PDZRN4: variants seen among roughly 807,000 people sequenced by gnomAD.
The protein encoded by PDZRN4 is PDZ domain-containing RING finger protein 4.
In PDZRN4, 70 loss-of-function variants were observed where a neutral mutation model predicts 99.0. The observed-to-expected ratio is 0.71, with a 90% CI of 0.58 to 0.86. The LOEUF (loss-of-function observed/expected upper bound fraction) is 0.86. Ranked by LOEUF, PDZRN4 falls within the 40% of genes least tolerant of loss-of-function variation. The pLI is 0.00. For missense variants in PDZRN4, 1,474 were observed against 1,331.2 expected (o/e 1.11, Z -1.67); for synonymous variants, 551 against 501.6 (o/e 1.10, Z -1.32).
chr12:41,353,703 G>T (rs1034294018), intron 3 of PDZRN4, among the ~76,000 whole-genome samples: 1 of 152,038 alleles, frequency 6.6e-6, no homozygotes, highest in Non-Finnish European at 1.5e-5. Context: ...GGGCTGCCTG[G>T]CCTCTCTTGT....
chr12:41,320,515 C>T (rs1169686544), intron 3 of PDZRN4, among the ~76,000 whole-genome samples: 1 of 152,148 alleles, frequency 6.6e-6, no homozygotes, highest in Non-Finnish European at 1.5e-5. Flanking sequence ...TTCACATTGT[C>T]TTGAGGTGTC....
intron 3 of PDZRN4, among the ~76,000 whole-genome samples, chr12:41,195,547 A>T (rs1209579751): frequency 2.6e-5 from 4 of 152,124 alleles, no homozygotes; most frequent in Non-Finnish European, 5.9e-5. Flanking sequence ...AAAGAACACA[A>T]CATTTATAAA....
intron 5 of PDZRN4, among the ~76,000 whole-genome samples, chr12:41,521,926 C>T (rs901332434): frequency 3.3e-5 from 5 of 152,054 alleles, no homozygotes; most frequent in African/African-American, 1.2e-4. Context: ...ATGAGAGAGG[C>T]CTAAGACTCC....
intron 3 of PDZRN4, among the ~76,000 whole-genome samples, chr12:41,327,952 T>G (rs1295708969): frequency 6.6e-6 from 1 of 152,144 alleles, no homozygotes; most frequent in East Asian, 1.9e-4. Context: ...ATTAAAATAT[T>G]TTTAATTTTT....
At chr12:41,279,145 G>T (rs556655969) in intron 3 of PDZRN4, among the ~76,000 whole-genome samples, 70 of 152,288 alleles carry the variant, frequency 4.6e-4, no homozygotes, top group Middle Eastern at 6.8e-3. Flanking sequence ...AAATGTTTGG[G>T]TTGGTAACAT....
intron 3 of PDZRN4, among the ~76,000 whole-genome samples, chr12:41,228,572 C>T (rs1951010751): frequency 6.6e-6 from 1 of 152,016 alleles, no homozygotes; most frequent in Non-Finnish European, 1.5e-5. Context: ...GTTAAGGATC[C>T]CAGGAGAATG....
At chr12:41,401,912 A>T (rs890457132) in intron 3 of PDZRN4, among the ~76,000 whole-genome samples, 1 of 151,014 alleles carries the variant, frequency 6.6e-6, no homozygotes. Context: ...GGCCTTGTAC[A>T]TTCTGTGCCC....
At chr12:41,551,314 C>G (rs887993413) in intron 5 of PDZRN4, among the ~76,000 whole-genome samples, 1 of 152,038 alleles carries the variant, frequency 6.6e-6, no homozygotes, top group Non-Finnish European at 1.5e-5. Flanking sequence ...AAGTTGATTA[C>G]CTTTGGTAAT....
intron 3 of PDZRN4, among the ~76,000 whole-genome samples, chr12:41,343,137 C>T (rs1609059): frequency 0.36 from 54,563 of 151,656 alleles, 9,915 homozygotes; most frequent in South Asian, 0.41. Flanking sequence ...AAGACAGATA[C>T]TATTCAGAGT....
At chr12:41,399,818 T>G (rs1397592821) in intron 3 of PDZRN4, among the ~76,000 whole-genome samples, 1 of 152,154 alleles carries the variant, frequency 6.6e-6, no homozygotes, top group Admixed American at 6.6e-5. Flanking sequence ...CCCCTTATAT[T>G]TCTTCCTTAA....
intron 3 of PDZRN4, among the ~76,000 whole-genome samples, chr12:41,340,822 A>G (rs1444057861): frequency 6.6e-6 from 1 of 151,874 alleles, no homozygotes; most frequent in African/African-American, 2.4e-5. Flanking sequence ...AGTCCCCTCA[A>G]ACACTTCCAG....
intron 3 of PDZRN4, among the ~76,000 whole-genome samples, chr12:41,240,137 T>C (rs1276201023): frequency 2.4e-5 from 2 of 81,932 alleles, no homozygotes; most frequent in African/African-American, 4.6e-5. Flanking sequence ...AATTTGTCCT[T>C]GTAATATTAC....
At chr12:41,469,495 G>A (rs969013777) in intron 3 of PDZRN4, among the ~76,000 whole-genome samples, 9 of 152,182 alleles carry the variant, frequency 5.9e-5, no homozygotes, top group African/African-American at 1.7e-4. Flanking sequence ...CTTCTACTAC[G>A]TAGATTCTGT....
intron 3 of PDZRN4, among the ~76,000 whole-genome samples, chr12:41,442,069 A>G (rs1220291211): frequency 1.3e-5 from 2 of 152,150 alleles, no homozygotes; most frequent in African/African-American, 4.8e-5. Flanking sequence ...CAATTACTAT[A>G]AAATGAAGAA....
chr12:41,277,743 T>C, intron 3 of PDZRN4, among the ~76,000 whole-genome samples: 1 of 152,208 alleles, frequency 6.6e-6, no homozygotes, highest in East Asian at 1.9e-4. Flanking sequence ...TTGAAGAGAC[T>C]CTGCTGCTCT....
At position 41,517,271 on chromosome 12, in the gene PDZRN4, A is replaced by G. The variant is rs558168132; in HGVS notation, c.1203+7358A>G. Among the ~76,000 whole-genome samples, 5 of 152,230 alleles carry G rather than the reference A, an allele frequency of 3.3e-5. No individual in the cohort carries two copies. In the South Asian group the frequency reaches 8.3e-4, roughly 25 times the overall value. ...TATTTTACCAGGGATCTAGATATAA[A>G]ATAAAGATTCCTTATACTACATATA... On this transcript the variant is annotated intron_variant, in intron 5 of 9. Coordinates refer to ENST00000402685, the MANE Select transcript of PDZRN4 (RefSeq NM_001164595.2).
intron 3 of PDZRN4, among the ~76,000 whole-genome samples, chr12:41,303,816 G>A (rs1951552317): frequency 6.6e-6 from 1 of 152,148 alleles, no homozygotes; most frequent in Non-Finnish European, 1.5e-5. Flanking sequence ...CAGAGTTCTG[G>A]ATACATTAGG....
intron 3 of PDZRN4, among the ~76,000 whole-genome samples, chr12:41,208,016 T>C (rs1037607972): frequency 6.6e-6 from 1 of 151,864 alleles, no homozygotes; most frequent in Admixed American, 6.6e-5. Flanking sequence ...TTGGAGTTTG[T>C]AATAGCTTTC....
chr12:41,345,592 A>T (rs542262637), intron 3 of PDZRN4, among the ~76,000 whole-genome samples: 58 of 152,230 alleles, frequency 3.8e-4, no homozygotes, highest in African/African-American at 1.4e-3. Context: ...TTTTCCTCCC[A>T]CTTTTGGTGA....
Sources: gnomAD v4.1 joint callset for allele counts (sites outside exome capture counted in the v4.1 genomes callset) on GRCh38, gnomAD v4.1.1 for gene constraint, MANE v1.5 for transcripts, NCBI Gene and HGNC (gene_info 2026-07-23, HGNC 2026-07-21) for gene names.